Variants in TIMM23B observed in about 807,000 individuals in gnomAD.
TIMM23B encodes the protein translocase of inner mitochondrial membrane 23 homolog B, also known as mitochondrial import inner membrane translocase subunit Tim23B.
In TIMM23B, 27 loss-of-function variants were observed where a neutral mutation model predicts 27.3. The observed-to-expected ratio is 0.99, with a 90% confidence interval of 0.73 to 1.36. TIMM23B has a LOEUF of 1.36. TIMM23B is among the 40% of genes most tolerant of loss of function. The pLI, the probability that TIMM23B is intolerant of heterozygous loss-of-function variation, is 0.00. For missense variants in TIMM23B, 205 were observed against 244.2 expected (o/e 0.84, Z 1.07); for synonymous variants, 73 against 92.4 (o/e 0.79, Z 1.21).
rs1554855407 is a variant in TIMM23B at position 49,966,098 on chromosome 10, G to GAC, written c.515-6913_515-6912insCA. ...GACATGACATGACATGACATGACATGATGAAATGAAATAATGAAATGAATA... is the reference window on the plus strand; with the variant it reads ...GACATGACATGACATGACATGACATGACATGAAATGAAATAATGAAATGAATA... On this transcript the variant is annotated intron_variant, in intron 6 of 6. Coordinates refer to ENST00000651259, the MANE Select transcript of TIMM23B (RefSeq NM_001290117.2). Among the ~76,000 whole-genome samples the GAC allele has an allele frequency of 3.2e-5, 4 of 126,136 alleles. No homozygotes were observed. In the Middle Eastern group the frequency reaches 0.017, roughly 531 times the overall value. 82.8% of individuals were successfully genotyped at this position (126,136 alleles called of 152,430 possible).
chr10:49,967,273 A>G (rs1429881250), intron 6 of TIMM23B, among the ~76,000 whole-genome samples: 2 of 152,062 alleles, frequency 1.3e-5, no homozygotes, highest in African/African-American at 4.8e-5. Flanking sequence ...GATTGGAAAT[A>G]GTTTAGATCA....
intron 5 of TIMM23B, among the ~76,000 whole-genome samples, chr10:49,955,270 C>T (rs1159777087): frequency 6.6e-6 from 1 of 152,072 alleles, no homozygotes; most frequent in African/African-American, 2.4e-5. Flanking sequence ...TTCTGAATAC[C>T]ATTTCTGAAT....
intron 5 of TIMM23B, among the ~76,000 whole-genome samples, chr10:49,957,147 C>T (rs1839751973): frequency 6.6e-6 from 1 of 151,976 alleles, no homozygotes; most frequent in South Asian, 2.1e-4. Context: ...GACCAACCAG[C>T]TTTGTCAGGG....
At chr10:49,958,973 G>A (rs1462228457) in intron 6 of TIMM23B, among the ~76,000 whole-genome samples, 4 of 152,162 alleles carry the variant, frequency 2.6e-5, no homozygotes, top group Admixed American at 2.6e-4. Context: ...TTCATTCTGT[G>A]TATGTGTACC....
intron 6 of TIMM23B, among the ~76,000 whole-genome samples, chr10:49,961,871 C>T (rs1214672614): frequency 1.3e-5 from 2 of 150,202 alleles, no homozygotes; most frequent in Admixed American, 1.3e-4. Context: ...TACTGGATTA[C>T]AGGCATGAGC....
At position 49,958,542 on chromosome 10, in the gene TIMM23B, A is replaced by G. The variant is rs1260490627; in HGVS notation, c.514+62A>G. The G allele has an allele frequency of 7.2e-6, 11 of 1,524,470 alleles. No homozygotes were observed. The African/African-American group carries it at 8.2e-5, about 11-fold the overall frequency. The allele number at this position is 1,524,470 out of a possible 1,614,324, so 94.4% of individuals were successfully genotyped here. A position where few individuals can be genotyped will look rare whatever the true frequency, so the allele number is the denominator to read the frequency against. On this transcript the variant is annotated intron_variant, in intron 6 of 6. Coordinates refer to ENST00000651259, the MANE Select transcript of TIMM23B (RefSeq NM_001290117.2). ...ACTTGAAGTGCGCTTTTTAAAATTC[A>G]TGGTTTTCAAGGAAATTACACTCTG...
chr10:49,963,573 A>G (rs1246587408), intron 6 of TIMM23B, among the ~76,000 whole-genome samples: 1 of 152,218 alleles, frequency 6.6e-6, no homozygotes, highest in African/African-American at 2.4e-5. Context: ...AATGAATAAT[A>G]AAATTCTGGG....
intron 2 of TIMM23B, among the ~76,000 whole-genome samples, chr10:49,950,727 A>G (rs1270639257): frequency 6.6e-6 from 1 of 151,730 alleles, no homozygotes; most frequent in Non-Finnish European, 1.5e-5. Flanking sequence ...ATTTTAGTAG[A>G]GACGGGGTTT....
chr10:49,972,418 GT>G (rs1840490629), intron 6 of TIMM23B, among the ~76,000 whole-genome samples: 1 of 150,672 alleles, frequency 6.6e-6, no homozygotes, highest in South Asian at 2.1e-4. Flanking sequence ...GGAAAGAACA[GT>G]TTTACAGATT....
chr10:49,971,089 C>T (rs1374468576), intron 6 of TIMM23B, among the ~76,000 whole-genome samples: 6 of 152,120 alleles, frequency 3.9e-5, no homozygotes, highest in Admixed American at 6.6e-5. Context: ...GGATTAAGAG[C>T]GGTGCAAGAT....
In TIMM23B at chr10:49,961,543, G is replaced by A. The variant is rs1453409828; in HGVS notation, c.514+3063G>A. Among the ~76,000 whole-genome samples, 12 of 151,946 alleles carry A rather than the reference G, an allele frequency of 7.9e-5. No homozygotes were observed. In the South Asian group the frequency reaches 2.5e-3, roughly 32 times the overall value. ...AGCTGTCCTGGGCTCCCTCACCACT[G>A]CCCCCATCTGTCCCTTACTTATCTC... On this transcript the variant is annotated intron_variant, in intron 6 of 6. Transcript: ENST00000651259.
chr10:49,952,053 T>C, intron 2 of TIMM23B, 73 bp from the exon 3 acceptor site: 1 of 1,153,982 alleles, frequency 8.7e-7, no homozygotes, highest in Non-Finnish European at 1.3e-6. Context: ...CTACTTGAAA[T>C]GTTAAAAAGG....
rs76947300 is a variant in TIMM23B at position 49,966,481 on chromosome 10, C to T, written c.515-6531C>T. Reference sequence around the variant, plus strand: ...AATAATGAAATGTCAGGTGCAGTGGCGTACTCCAGCCTGGGTGATAGAGTG... The same window carrying T: ...AATAATGAAATGTCAGGTGCAGTGGTGTACTCCAGCCTGGGTGATAGAGTG... On this transcript the variant is annotated intron_variant, in intron 6 of 6. Coordinates refer to ENST00000651259, the MANE Select transcript of TIMM23B (RefSeq NM_001290117.2). 5.0e-3 allele frequency among the ~76,000 whole-genome samples: 758 copies of T among 152,118 alleles called. 10 individuals are homozygous for T. Among genetic ancestry groups the T allele is most frequent in the Middle Eastern group, 0.027 (8 of 294 alleles).
chr10:49,973,135 A>AAG lies in TIMM23B; in HGVS notation c.*72_*73dup, dbSNP rs1208114808. 1 of 1,202,662 alleles carries AAG rather than the reference A, an allele frequency of 8.3e-7. No individual in the cohort carries two copies. Among genetic ancestry groups the AAG allele is most frequent in the Non-Finnish European group, 1.2e-6 (1 of 847,838 alleles). The allele number at this position is 1,202,662 out of a possible 1,614,324, so 74.5% of individuals were successfully genotyped here. A position where few individuals can be genotyped will look rare whatever the true frequency, so the allele number is the denominator to read the frequency against. ...AGAAGAAGCTACACAAAAGGCAGCA[A>AAG]AGTATTAGTAAGTGTACCTCTGACA... is the stretch of plus-strand genomic sequence containing the variant. On this transcript the variant is annotated 3_prime_UTR_variant, in exon 7 of 7. Coordinates refer to ENST00000651259, the MANE Select transcript of TIMM23B (RefSeq NM_001290117.2).
chr10:49,944,033 T>C (rs1452633891), intron 1 of TIMM23B, among the ~76,000 whole-genome samples: 3 of 152,166 alleles, frequency 2.0e-5, no homozygotes, highest in Admixed American at 1.3e-4. Context: ...AAAACAAATT[T>C]GGCATGTTTA....
chr10:49,970,284 G>T (rs1309926812), intron 6 of TIMM23B: 1 of 148,510 alleles, frequency 6.7e-6, no homozygotes, highest in Non-Finnish European at 1.5e-5. Flanking sequence ...CCCTCTGCCC[G>T]GGCTGCCCAG....
chr10:49,964,221 A>G (rs1190460395), intron 6 of TIMM23B, among the ~76,000 whole-genome samples: 2 of 149,660 alleles, frequency 1.3e-5, no homozygotes, highest in Non-Finnish European at 3.0e-5. Context: ...AAGAAATGAA[A>G]TAAATGAATA....
chr10:49,957,453 A>G (rs1180820821), intron 5 of TIMM23B, among the ~76,000 whole-genome samples: 167 of 151,926 alleles, frequency 1.1e-3, no homozygotes, highest in Admixed American at 1.9e-3. Context: ...GGGTATCCCT[A>G]TGTTGTTGCC....
chr10:49,950,797 T>G (rs1401189498), intron 2 of TIMM23B, among the ~76,000 whole-genome samples: 1 of 152,148 alleles, frequency 6.6e-6, no homozygotes, highest in African/African-American at 2.4e-5. Context: ...CCGACTCGGC[T>G]TCCCAAAGCG....
Sources: allele counts gnomAD v4.1 joint callset (sites outside exome capture counted in the v4.1 genomes callset), GRCh38; gene constraint gnomAD v4.1.1; transcripts MANE v1.5; gene names NCBI Gene and HGNC (gene_info 2026-07-23, HGNC 2026-07-21).